Variants in PRR5 observed in about 807,000 individuals in gnomAD.
PRR5 encodes proline rich 5.
PRR5 carries 25 observed loss-of-function variants against 30.6 expected under a neutral mutation model. The observed-to-expected ratio is 0.82, with a 90% confidence interval of 0.60 to 1.14. The LOEUF is 1.14. PRR5 is among the 50% of genes most tolerant of loss of function. PRR5 has a pLI of 0.00. For synonymous variants in PRR5, 286 were observed against 247.1 expected, an observed-to-expected ratio of 1.16 and a Z score of -1.48; for missense variants, 600 against 547.1, an observed-to-expected ratio of 1.10 and a Z score of -0.96.
intron 4 of PRR5, 107 bp from the exon 5 acceptor site, chr22:44,731,623 T>G: frequency 8.7e-7 from 1 of 1,154,118 alleles, no homozygotes; most frequent in Non-Finnish European, 1.3e-6. Context: ...GCCAGGGGCC[T>G]GAGCCCAGGC....
At chr22:44,717,006 T>C (rs1459677487) in intron 2 of PRR5, among the ~76,000 whole-genome samples, 2 of 151,896 alleles carry the variant, frequency 1.3e-5, no homozygotes. Flanking sequence ...GGTTGCAGTG[T>C]GTCAAGACTG....
chr22:44,714,760 C>T (rs1008110091), intron 2 of PRR5, 89 bp downstream of exon 2: 31 of 1,502,574 alleles, frequency 2.1e-5, no homozygotes, highest in Non-Finnish European at 2.7e-5. Flanking sequence ...GCCCCTGACC[C>T]GCCAGCCACG....
At chr22:44,699,709 C>T (rs1021572042), upstream of PRR5, among the ~76,000 whole-genome samples, 5 of 152,194 alleles carry the variant, frequency 3.3e-5, no homozygotes, top group Admixed American at 6.5e-5. Context: ...GACAACAGGA[C>T]GCCCCCTGAG....
intron 1 of PRR5, among the ~76,000 whole-genome samples, chr22:44,671,006 A>G (rs1443274727): frequency 1.3e-5 from 2 of 152,204 alleles, no homozygotes; most frequent in Admixed American, 6.5e-5. Flanking sequence ...TTACTCATTC[A>G]TGAAGACCTT....
intron 4 of PRR5, among the ~76,000 whole-genome samples, chr22:44,728,157 CAGCCCTGGGAGGCCCAGCA>C (rs1192868457): frequency 3.8e-4 from 58 of 152,208 alleles, no homozygotes; most frequent in Non-Finnish European, 7.1e-4. Flanking sequence ...GGGCAGAGGA[CAGCCCTGGGAGGCCCAGCA>C]TCCTCTTCTG....
intron 3 of PRR5, among the ~76,000 whole-genome samples, chr22:44,726,103 T>C (rs1174034576): frequency 6.6e-6 from 1 of 152,236 alleles, no homozygotes; most frequent in Non-Finnish European, 1.5e-5. Context: ...CTGCATTTTG[T>C]GGTCCATGCT....
chr22:44,718,038 C>T (rs73173632), intron 2 of PRR5, among the ~76,000 whole-genome samples: 345 of 152,192 alleles, frequency 2.3e-3, no homozygotes, highest in Non-Finnish European at 4.2e-3. Flanking sequence ...TCTTTTCATG[C>T]CATATCATAT....
At chr22:44,698,024 G>A (rs75753505), upstream of PRR5, among the ~76,000 whole-genome samples, 115 of 152,296 alleles carry the variant, frequency 7.6e-4, no homozygotes, top group East Asian at 0.011. Flanking sequence ...TCAGAGTCCC[G>A]GGTTCATGAG....
chr22:44,696,696 G>A (rs543251298), intron 1 of PRR5, among the ~76,000 whole-genome samples: 27 of 145,314 alleles, frequency 1.9e-4, no homozygotes, highest in Non-Finnish European at 3.3e-4. Flanking sequence ...AGGCTGCTGT[G>A]GGACCAAGGA....
At chr22:44,702,794 G>A (rs1281590210) in intron 1 of PRR5, among the ~76,000 whole-genome samples, 186 bp downstream of exon 1, 2 of 152,284 alleles carry the variant, frequency 1.3e-5, no homozygotes, top group East Asian at 3.9e-4. Context: ...AGTGCAGCGT[G>A]GTTCCAGAAC....
At position 44,737,431 on chromosome 22, in the gene PRR5, G is replaced by A. The variant is rs1367402355; in HGVS notation, c.*184G>A. ...GAAATACCATCAGCCTTCCTTGCTC[G>A]GCCCAGGTCTGTTTCAGGCATCTGA... is the stretch of plus-strand genomic sequence containing the variant. On this transcript the variant is annotated 3_prime_UTR_variant, in exon 8 of 8. Coordinates refer to ENST00000336985, the MANE Select transcript of PRR5 (RefSeq NM_181333.4). The A allele has an allele frequency of 1.4e-5, 18 of 1,275,972 alleles. No individual in the cohort carries two copies. The highest frequency in any genetic ancestry group is 1.0e-4 in the South Asian group (6 of 59,000). The allele number at this position is 1,275,972 out of a possible 1,614,324, so 79.0% of individuals were successfully genotyped here.
chr22:44,690,715 A>G (rs907318246), intron 1 of PRR5, among the ~76,000 whole-genome samples: 7 of 152,080 alleles, frequency 4.6e-5, no homozygotes, highest in Admixed American at 2.0e-4. Flanking sequence ...ACCCACTGTT[A>G]TTATTATTAT....
upstream of PRR5, among the ~76,000 whole-genome samples, chr22:44,674,063 A>G (rs114623281): frequency 4.8e-3 from 723 of 152,174 alleles, 9 homozygotes; most frequent in African/African-American, 0.017. Context: ...TTTCCAGTCA[A>G]TTTGTTCTGA....
chr22:44,689,438 G>A (rs1158825408), intron 1 of PRR5, among the ~76,000 whole-genome samples: 1 of 152,220 alleles, frequency 6.6e-6, no homozygotes, highest in Non-Finnish European at 1.5e-5. Flanking sequence ...CGGCAAGTGG[G>A]AACCACAGCT....
chr22:44,730,446 A>G, intron 4 of PRR5: 1 of 985,412 alleles, frequency 1.0e-6, no homozygotes, highest in Non-Finnish European at 1.2e-6. Flanking sequence ...AGAAAGGCCA[A>G]GGGTTCTTCA....
chr22:44,698,427 TG>T (rs1925963734), upstream of PRR5, among the ~76,000 whole-genome samples: 1 of 151,528 alleles, frequency 6.6e-6, no homozygotes, highest in Non-Finnish European at 1.5e-5. Flanking sequence ...GCCACTCTGG[TG>T]GCTTTGGGGA....
intron 1 of PRR5, among the ~76,000 whole-genome samples, chr22:44,690,016 C>A (rs867866874): frequency 1.3e-5 from 2 of 152,074 alleles, no homozygotes; most frequent in African/African-American, 4.8e-5. Flanking sequence ...GTTTTGTGGT[C>A]CAGAGGGAGG....
chr22:44,728,780 C>T (rs1211091781), intron 4 of PRR5, among the ~76,000 whole-genome samples: 1 of 152,226 alleles, frequency 6.6e-6, no homozygotes, highest in Non-Finnish European at 1.5e-5. Context: ...AGAGCCTCTA[C>T]CAGAGGTGGG....
intron 5 of PRR5, among the ~76,000 whole-genome samples, 175 bp from the exon 6 acceptor site, chr22:44,732,076 C>A (rs1922100657): frequency 6.6e-6 from 1 of 152,234 alleles, no homozygotes; most frequent in South Asian, 2.1e-4. Flanking sequence ...CCTTTCACTG[C>A]CAGAGGAAAC....
Sources: gnomAD v4.1 joint callset for allele counts (sites outside exome capture counted in the v4.1 genomes callset) on GRCh38, gnomAD v4.1.1 for gene constraint, MANE v1.5 for transcripts, NCBI Gene and HGNC (gene_info 2026-07-23, HGNC 2026-07-21) for gene names.